The following ART1 variants were observed in gnomAD, a reference collection of about 807,000 sequenced individuals.
ART1 encodes the protein GPI-linked NAD(P)(+)--arginine ADP-ribosyltransferase 1.
Under a neutral mutation model 27.0 loss-of-function variants are expected in ART1, and 29 were observed. The ratio of observed to expected loss-of-function variants is 1.08; its 90% CI spans 0.80 to 1.47. The LOEUF (loss-of-function observed/expected upper bound fraction) is 1.47, where lower values mean the gene tolerates loss of function less well. Among genes scored for constraint, ART1 ranks in the 40% most tolerant of loss-of-function variants. ART1 has a pLI of 0.00. For missense variants in ART1, 480 were observed against 423.0 expected (o/e 1.13, Z -1.18); for synonymous variants, 201 against 172.2 (o/e 1.17, Z -1.31).
rs1435609128 is a variant in ART1 at position 3,660,224 on chromosome 11, C to T, written c.705C>T (p.Phe235=). The change falls in exon 3 of 5, where the codon TTC becomes TTT. Residue 235 remains phenylalanine (F), a synonymous_variant. Transcript: ENST00000250693. ...LGAPIKGYSF[F]PGEEEVLIPP... is the part of the protein sequence containing the mutation. ...CCCCTATCAAGGGCTACTCCTTCTTCCCTGGAGAGGAAGAGGTGCTGATCC... is the reference window on the plus strand; with the variant it reads ...CCCCTATCAAGGGCTACTCCTTCTTTCCTGGAGAGGAAGAGGTGCTGATCC... 6.2e-7 allele frequency: 1 copy of T among 1,613,940 alleles called. No homozygotes were observed. The highest frequency in any genetic ancestry group is 8.5e-7 in the Non-Finnish European group (1 of 1,180,054).
At chr11:3,648,294 C>G (rs958319855) in intron 1 of ART1, among the ~76,000 whole-genome samples, 1 of 152,218 alleles carries the variant, frequency 6.6e-6, no homozygotes, top group Non-Finnish European at 1.5e-5. Flanking sequence ...TGTCTTCACA[C>G]GGACGCGCAT....
chr11:3,656,731 A>G (rs2077579240), intron 1 of ART1, among the ~76,000 whole-genome samples: 1 of 151,934 alleles, frequency 6.6e-6, no homozygotes, highest in Non-Finnish European at 1.5e-5. Flanking sequence ...GGCTCAAGTA[A>G]TCCTCCCGCC....
intron 1 of ART1, among the ~76,000 whole-genome samples, chr11:3,648,843 G>C (rs1250569528): frequency 6.6e-6 from 1 of 151,102 alleles, no homozygotes; most frequent in Admixed American, 6.6e-5. Flanking sequence ...TTTTCTGGGG[G>C]AGGGGCAAAA....
intron 1 of ART1, among the ~76,000 whole-genome samples, chr11:3,647,799 A>C (rs2077481376): frequency 6.6e-6 from 1 of 152,170 alleles, no homozygotes; most frequent in Non-Finnish European, 1.5e-5. Flanking sequence ...AATTATGTGC[A>C]GTTTTTTGTA....
chr11:3,663,908 A>T (rs2077641219), intron 4 of ART1, 184 bp from the exon 5 acceptor site: 1 of 585,808 alleles, frequency 1.7e-6, no homozygotes, highest in Non-Finnish European at 3.0e-6. Flanking sequence ...CCATTGGACC[A>T]GCTCCTCCCT....
Position 3,646,604 on chromosome 11 carries a change from G to A in ART1, c.-53+1425G>A, listed in dbSNP as rs188110922. Among the ~76,000 whole-genome samples, 224 of 152,222 alleles carry A rather than the reference G, an allele frequency of 1.5e-3. 1 individual carries two copies. Among genetic ancestry groups the A allele is most frequent in the Non-Finnish European group, 2.0e-3 (139 of 67,994 alleles). The stretch of plus-strand genomic sequence containing the variant: ...CCTCTAGAAAGCCAAGGAGGAGTGC[G>A]GCTCCACCTGACCTCTGGCTTCATC... On this transcript the variant is annotated intron_variant, in intron 1 of 4. Transcript: ENST00000250693.
chr11:3,653,807 T>A (rs2077549204), intron 1 of ART1, among the ~76,000 whole-genome samples: 2 of 146,642 alleles, frequency 1.4e-5, no homozygotes, highest in Admixed American at 6.8e-5. Flanking sequence ...CTATCCTCAC[T>A]GCCATTCTCC....
At chr11:3,656,355 C>CTTGCTTATTTAT in intron 1 of ART1, among the ~76,000 whole-genome samples, 1 of 140,194 alleles carries the variant, frequency 7.1e-6, no homozygotes, top group East Asian at 2.0e-4. Context: ...TGTAGCCTGG[C>CTTGCTTATTTAT]TTATTTATTT....
intron 1 of ART1, among the ~76,000 whole-genome samples, chr11:3,646,027 C>A (rs1328215018): frequency 6.6e-6 from 1 of 151,746 alleles, no homozygotes; most frequent in Non-Finnish European, 1.5e-5. Flanking sequence ...GGCCTCTGTC[C>A]TTAGGGTATG....
intron 1 of ART1, among the ~76,000 whole-genome samples, chr11:3,654,848 G>T (rs573694320): frequency 6.6e-6 from 1 of 152,154 alleles, no homozygotes; most frequent in Non-Finnish European, 1.5e-5. Context: ...CTAATTCCAT[G>T]TCCTCAGTCT....
At chr11:3,663,945 G>A (rs182049367) in intron 4 of ART1, 147 bp from the exon 5 acceptor site, 39 of 650,092 alleles carry the variant, frequency 6.0e-5, no homozygotes, top group East Asian at 5.1e-4. Context: ...TCTGTTGCCC[G>A]TGGCAGTTTT....
At chr11:3,656,726 A>C (rs1326881418) in intron 1 of ART1, among the ~76,000 whole-genome samples, 2 of 152,146 alleles carry the variant, frequency 1.3e-5, no homozygotes, top group Non-Finnish European at 2.9e-5. Context: ...TCCTGGGCTC[A>C]AGTAATCCTC....
chr11:3,647,621 G>A (rs1001355052), intron 1 of ART1, among the ~76,000 whole-genome samples: 7 of 151,986 alleles, frequency 4.6e-5, no homozygotes, highest in African/African-American at 1.4e-4. Context: ...GCGACAGAGT[G>A]AGACCCTGTC....
At chr11:3,646,024 G>A (rs570790385) in intron 1 of ART1, among the ~76,000 whole-genome samples, 3 of 152,080 alleles carry the variant, frequency 2.0e-5, no homozygotes, top group Admixed American at 2.0e-4. Context: ...GCTGGCCTCT[G>A]TCCTTAGGGT....
rs2133963772 is a variant in ART1, at chr11:3,660,109, T to TG, written c.596dup (p.Phe200LeufsTer16). On this transcript the variant is annotated frameshift_variant, in exon 3 of 5. Coordinates refer to ENST00000250693, the MANE Select transcript of ART1 (RefSeq NM_004314.3). LOFTEE classifies it high-confidence loss of function. ...GCAGGGCCCCGGGCCACCGTGAGGC[T>TG]GGGGGGCTTTGCTTCTGCCTCCCTG... 1.2e-6 allele frequency: 2 copies of TG among 1,613,750 alleles called. No homozygotes were observed. Among genetic ancestry groups the TG allele is most frequent in the Non-Finnish European group, 8.5e-7 (1 of 1,179,954 alleles).
intron 3 of ART1, 74 bp from the exon 4 acceptor site, chr11:3,661,298 T>C (rs2133965319): frequency 7.2e-7 from 1 of 1,383,198 alleles, no homozygotes; most frequent in Non-Finnish European, 1.0e-6. Flanking sequence ...AGGGATGGAC[T>C]ACCAGGGCTC....
chr11:3,646,103 A>G lies in ART1; in HGVS notation c.-53+924A>G, dbSNP rs536101751. 9.3e-5 allele frequency among the ~76,000 whole-genome samples: 14 copies of G among 150,008 alleles called. No individual in the cohort carries two copies. The East Asian group carries it at 2.6e-3, about 27-fold the overall frequency. On this transcript the variant is annotated intron_variant, in intron 1 of 4. Transcript: ENST00000250693. ...ATGTGTTTGTATCTCTTCCCTCATG[A>G]TTTTCATCTCTGCATTTTTACTCTA...
rs35318694 is a variant in ART1, at chr11:3,659,648, G to C, written c.129G>C (p.Leu43=). ...FSQEIQLDMA[L]ASFDDQYAGC... is the part of the protein sequence containing the mutation. ...AAGAGATTCAGCTGGACATGGCCCT[G>C]GCCTCCTTTGATGACCAGTACGCTG... The change falls in exon 3 of 5, where the codon CTG becomes CTC. Residue 43 remains leucine, a synonymous_variant. Transcript: ENST00000250693. The C allele has an allele frequency of 6.2e-7, 1 of 1,613,588 alleles. No individual in the cohort carries two copies. The highest frequency in any genetic ancestry group is 1.1e-5 in the South Asian group (1 of 91,090).
rs1274893644 is a variant in ART1 at position 3,660,311 on chromosome 11, C to G, written c.792C>G (p.Ile264Met). Reference protein sequence around the residue: ...ASRLAQGPARIYLRALGKHST... With the variant: ...ASRLAQGPARMYLRALGKHST... ...GACTGGCCCAGGGCCCCGCCCGCAT[C>G]TACCTCCGAGCCCTGGGCAAGCACA... Residue 264 changes from isoleucine to methionine, a missense_variant, in exon 3 of 5, where the codon ATC becomes ATG. By Grantham distance (10) the Ile-to-Met change is conservative. Transcript: ENST00000250693. The G allele has an allele frequency of 6.2e-7, 1 of 1,608,006 alleles. No individual in the cohort carries two copies. The highest frequency in any genetic ancestry group is 8.5e-7 in the Non-Finnish European group (1 of 1,179,966).
Sources: gnomAD v4.1 joint callset for allele counts (sites outside exome capture counted in the v4.1 genomes callset) on GRCh38, gnomAD v4.1.1 for gene constraint, MANE v1.5 for transcripts, NCBI Gene and HGNC (gene_info 2026-07-23, HGNC 2026-07-21) for gene names.